The following SMARCD3 variants were observed in gnomAD, a reference collection of about 807,000 sequenced individuals.
SMARCD3 encodes SWI/SNF-related matrix-associated actin-dependent regulator of chromatin subfamily D member 3.
SMARCD3 carries 14 observed loss-of-function variants against 58.0 expected under a neutral mutation model. The ratio of observed to expected loss-of-function variants is 0.24; its 90% CI spans 0.16 to 0.38. SMARCD3 has a LOEUF of 0.38. SMARCD3 is among the 10% of genes least tolerant of loss of function. The pLI is 1.00. For missense variants in SMARCD3, 408 were observed against 636.9 expected, an observed-to-expected ratio of 0.64 and a Z score of 3.87; for synonymous variants, 253 against 253.8, an observed-to-expected ratio of 1.00 and a Z score of 0.03.
intron 2 of SMARCD3, among the ~76,000 whole-genome samples, chr7:151,259,601 G>GTTTTTTTGTTTT: frequency 1.4e-5 from 1 of 70,526 alleles, no homozygotes; most frequent in Non-Finnish European, 2.6e-5. Context: ...CAACCTGAGA[G>GTTTTTTTGTTTT]TTTTTTTTTT....
At chr7:151,270,747 A>G (rs930758122) in intron 2 of SMARCD3, among the ~76,000 whole-genome samples, 3 of 152,158 alleles carry the variant, frequency 2.0e-5, no homozygotes, top group African/African-American at 7.2e-5. Flanking sequence ...GGAACAAATC[A>G]GATTTGTGTT....
intron 2 of SMARCD3, among the ~76,000 whole-genome samples, chr7:151,260,990 G>A (rs1368309087): frequency 1.3e-5 from 2 of 152,174 alleles, no homozygotes; most frequent in African/African-American, 4.8e-5. Context: ...TTTACTCTGG[G>A]GCTCAAATGG....
At chr7:151,276,338 T>A (rs1584903610) in intron 1 of SMARCD3, among the ~76,000 whole-genome samples, 1 of 95,102 alleles carries the variant, frequency 1.1e-5, no homozygotes, top group African/African-American at 4.3e-5. Flanking sequence ...ACAGGGGGAG[T>A]AGGAAGCAGA....
At chr7:151,248,740 G>GCCGCCGCCGCCCGC (rs1278957508), upstream of SMARCD3, 167 of 1,151,132 alleles carry the variant, frequency 1.5e-4, no homozygotes, top group Non-Finnish European at 1.7e-4. This position sits in a 1 kb window ranked among gnomAD's most constrained non-coding sequence, Gnocchi z 6.1. Context: ...CACGGCCCAC[G>GCCGCCGCCGCCCGC]CCGCCGCCGC....
upstream of SMARCD3, among the ~76,000 whole-genome samples, chr7:151,252,696 C>G (rs2150602582): frequency 6.7e-6 from 1 of 150,010 alleles, no homozygotes; most frequent in East Asian, 2.0e-4. Flanking sequence ...TACCTCAACC[C>G]CCGCCTCTGG....
chr7:151,261,350 C>G (rs1401807553), intron 2 of SMARCD3, among the ~76,000 whole-genome samples: 1 of 152,168 alleles, frequency 6.6e-6, no homozygotes, highest in African/African-American at 2.4e-5. Flanking sequence ...ACCCTTGTCC[C>G]TGGAGGGTGA....
At chr7:151,268,889 C>T (rs1264730545) in intron 2 of SMARCD3, among the ~76,000 whole-genome samples, 3 of 152,262 alleles carry the variant, frequency 2.0e-5, no homozygotes, top group Admixed American at 2.0e-4. Flanking sequence ...CAGGCATGAA[C>T]CACTGCGACT....
intron 2 of SMARCD3, among the ~76,000 whole-genome samples, chr7:151,269,574 T>G (rs907862220): frequency 2.0e-5 from 3 of 151,952 alleles, no homozygotes; most frequent in Non-Finnish European, 2.9e-5. Flanking sequence ...ATGTTGGGGC[T>G]GACAGATATG....
upstream of SMARCD3, among the ~76,000 whole-genome samples, chr7:151,251,912 GGGCTCGGGCCGGCCC>G (rs1352662539): frequency 1.4e-5 from 2 of 146,956 alleles, no homozygotes; most frequent in Non-Finnish European, 3.0e-5. Flanking sequence ...GGAGCTGGGG[GGGCTCGGGCCGGCCC>G]GGCCCGCGCC....
intron 2 of SMARCD3, among the ~76,000 whole-genome samples, chr7:151,271,736 A>T (rs1217462297): frequency 6.6e-6 from 1 of 152,054 alleles, no homozygotes; most frequent in African/African-American, 2.4e-5. Flanking sequence ...GGATTGCTTG[A>T]GCCCAGGAAT....
intron 2 of SMARCD3, among the ~76,000 whole-genome samples, chr7:151,263,919 G>C (rs1382586338): frequency 6.6e-6 from 1 of 152,106 alleles, no homozygotes; most frequent in African/African-American, 2.4e-5. Flanking sequence ...CCACCTTGTG[G>C]GTGCCTTCAG....
At chr7:151,270,628 C>T (rs1795147180) in intron 2 of SMARCD3, among the ~76,000 whole-genome samples, 1 of 152,112 alleles carries the variant, frequency 6.6e-6, no homozygotes. Context: ...AGGATGAGTG[C>T]AGTTAGCCAG....
rs201541677 is a variant in SMARCD3 at position 151,239,079 on chromosome 7, G to C, written c.*24C>G. On this transcript the variant is annotated 3_prime_UTR_variant, in exon 13 of 13. Transcript: ENST00000262188. This position sits in a 1 kb window ranked among gnomAD's most constrained non-coding sequence, Gnocchi z 7.0. ...GGCCCGGGACACGGCTGAAAGTTCC[G>C]TCGTGCTGCTTATTTTTGGGCTCCT... 1.9e-6 allele frequency: 3 copies of C among 1,613,118 alleles called. No individual in the cohort carries two copies. The highest frequency in any genetic ancestry group is 2.5e-6 in the Non-Finnish European group (3 of 1,179,106).
At chr7:151,240,062 C>G in intron 10 of SMARCD3, 50 bp downstream of exon 10, 1 of 1,602,224 alleles carries the variant, frequency 6.2e-7, no homozygotes, top group Non-Finnish European at 8.5e-7. Context: ...AAAGTCTCCT[C>G]TATCATCTCT....
chr7:151,272,191 G>C (rs1183246414), intron 2 of SMARCD3, among the ~76,000 whole-genome samples: 3 of 152,164 alleles, frequency 2.0e-5, no homozygotes, highest in East Asian at 3.9e-4. Flanking sequence ...CAGTGGCTCG[G>C]GACCAGAAAT....
rs1803122682 is a variant in SMARCD3 at position 151,243,774 on chromosome 7, T to C, written c.291-73A>G. On this transcript the variant is annotated intron_variant, in intron 2 of 12. Coordinates refer to ENST00000262188, the MANE Select transcript of SMARCD3 (RefSeq NM_001003801.2). This position sits in a 1 kb window ranked among gnomAD's most constrained non-coding sequence, Gnocchi z 4.4. ...GGGCGTAACGAGGCCACCTGCTAGATTATCCCGACATCTCCGCCCGCCTGG... is the reference window on the plus strand; with the variant it reads ...GGGCGTAACGAGGCCACCTGCTAGACTATCCCGACATCTCCGCCCGCCTGG... 1.9e-6 allele frequency: 2 copies of C among 1,062,790 alleles called. No homozygotes were observed. Among genetic ancestry groups the C allele is most frequent in the African/African-American group, 3.1e-5 (2 of 64,334 alleles). The allele number at this position is 1,062,790 out of a possible 1,614,324, so 65.8% of individuals were successfully genotyped here. A position where few individuals can be genotyped will look rare whatever the true frequency, so the allele number is the denominator to read the frequency against.
chr7:151,253,882 C>T (rs551963187), intron 2 of SMARCD3, among the ~76,000 whole-genome samples: 1 of 111,166 alleles, frequency 9.0e-6, no homozygotes, highest in East Asian at 2.7e-4. Flanking sequence ...GGGCAGTGCC[C>T]TGACCTGCTG....
chr7:151,271,330 G>A lies in SMARCD3; in HGVS notation c.39+3784C>T, dbSNP rs529158291. Among the ~76,000 whole-genome samples the A allele has an allele frequency of 4.5e-4, 68 of 152,246 alleles. No homozygotes were observed. The South Asian group carries it at 0.014, about 31-fold the overall frequency. ...TCATCTCCTTCTGTTCCCATGCCCA[G>A]GTAAGCAAACCCAGGTTAGGGAGTA... On this transcript the variant is annotated intron_variant, in intron 2 of 13. Coordinates refer to the SMARCD3 transcript ENST00000356800.
rs1339172502 is a variant in SMARCD3, at chr7:151,271,251, G to A, written c.39+3863C>T. Among the ~76,000 whole-genome samples the A allele has an allele frequency of 2.6e-5, 4 of 152,170 alleles. No individual in the cohort carries two copies. In the East Asian group the frequency reaches 7.7e-4, roughly 29 times the overall value. On this transcript the variant is annotated intron_variant, in intron 2 of 13. Transcript: ENST00000356800. ...GGGTGAAGGTGCTGAAGGCAAGGCTGCTTACCCTGTGGCCAGCATTCCTCT... is the reference window on the plus strand; with the variant it reads ...GGGTGAAGGTGCTGAAGGCAAGGCTACTTACCCTGTGGCCAGCATTCCTCT...
Sources: allele counts gnomAD v4.1 joint callset (sites outside exome capture counted in the v4.1 genomes callset), GRCh38; gene constraint gnomAD v4.1.1; non-coding constraint Gnocchi (gnomAD v3.1); transcripts MANE v1.5; gene names NCBI Gene and HGNC (gene_info 2026-07-23, HGNC 2026-07-21).